Variants in KDM4C observed in about 807,000 individuals in gnomAD.
KDM4C encodes the protein lysine-specific demethylase 4C.
A neutral mutation model predicts 129.3 loss-of-function variants in KDM4C; 81 were observed. That is an observed-to-expected ratio of 0.63 (90% CI 0.52 to 0.75). The LOEUF is 0.75. KDM4C is among the 30% of genes least tolerant of loss of function. The probability of loss-of-function intolerance (pLI) is 0.00; values close to 1 mark genes in which losing one functional copy is unlikely to be tolerated. For missense variants in KDM4C, 1,457 were observed against 1,304.0 expected (o/e 1.12, Z -1.81); for synonymous variants, 573 against 456.1 (o/e 1.26, Z -3.26).
chr9:6,954,601 G>A (rs1336570073), intron 8 of KDM4C, among the ~76,000 whole-genome samples: 2 of 152,170 alleles, frequency 1.3e-5, no homozygotes, highest in South Asian at 2.1e-4. Flanking sequence ...TGTTAATAAT[G>A]TGCAGGTTTC....
rs1456954381 is a variant in KDM4C at position 6,888,868 on chromosome 9, A to G, written c.783+805A>G. On this transcript the variant is annotated intron_variant, in intron 7 of 21. Coordinates refer to ENST00000381309, the MANE Select transcript of KDM4C (RefSeq NM_015061.6). Reference sequence around the variant, plus strand: ...AGTGGCGGGATCTCGGCTCACTGCAAGCTCCGCCTCCCGGGTTCACGCCAT... The same window carrying G: ...AGTGGCGGGATCTCGGCTCACTGCAGGCTCCGCCTCCCGGGTTCACGCCAT... Among the ~76,000 whole-genome samples, 13 of 31,660 alleles carry G rather than the reference A, an allele frequency of 4.1e-4. 5 individuals are homozygous for G. Among genetic ancestry groups the G allele is most frequent in the African/African-American group, 3.0e-3 (13 of 4,366 alleles). 20.8% of individuals were successfully genotyped at this position (31,660 alleles called of 152,430 possible). A position where few individuals can be genotyped will look rare whatever the true frequency, so the allele number is the denominator to read the frequency against.
At chr9:6,887,483 A>G (rs1174544442) in intron 6 of KDM4C, among the ~76,000 whole-genome samples, 1 of 152,228 alleles carries the variant, frequency 6.6e-6, no homozygotes, top group Non-Finnish European at 1.5e-5. Flanking sequence ...ATCAGAAAAG[A>G]AACAGAAAGG....
In KDM4C at chr9:6,824,129, TG is replaced by T. The variant is rs888061022; in HGVS notation, c.435+9387del. Among the ~76,000 whole-genome samples, 15 of 152,336 alleles carry T rather than the reference TG, an allele frequency of 9.8e-5. No homozygotes were observed. In the South Asian group the frequency reaches 1.9e-3, roughly 19 times the overall value. The stretch of plus-strand genomic sequence containing the variant: ...AGTCTTTGATTTGGACAGTGAATAT[TG>T]GGTAAAAAAATTATTGTAGCAAATA... On this transcript the variant is annotated intron_variant, in intron 4 of 21. Coordinates refer to ENST00000381309, the MANE Select transcript of KDM4C (RefSeq NM_015061.6).
At chr9:7,021,140 GTA>G (rs56054555) in intron 15 of KDM4C, among the ~76,000 whole-genome samples, 2,849 of 146,916 alleles carry the variant, frequency 0.019, 42 homozygotes, top group Middle Eastern at 0.035. Flanking sequence ...GTGTGTGTGT[GTA>G]TATATATATA....
At chr9:6,863,145 CAAAA>C (rs932700092) in intron 5 of KDM4C, among the ~76,000 whole-genome samples, 1 of 151,910 alleles carries the variant, frequency 6.6e-6, no homozygotes, top group South Asian at 2.1e-4. Flanking sequence ...AAAATAAAAA[CAAAA>C]AAACCCTGTG....
rs750006191 is a variant in KDM4C at position 6,984,329 on chromosome 9, G to A, written c.1279G>A (p.Ala427Thr). ...EAAVKLRNTEASSEEESSASR... is the reference protein window; with the variant it reads ...EAAVKLRNTETSSEEESSASR... ...AGCAGTGAAGCTGAGGAACACAGAAGCATCTTCAGAAGAAGAGTCATCTGC... is the reference window on the plus strand; with the variant it reads ...AGCAGTGAAGCTGAGGAACACAGAAACATCTTCAGAAGAAGAGTCATCTGC... Residue 427 changes from alanine (A) to threonine (T), a missense_variant, in exon 10 of 22, where the codon GCA becomes ACA. Physicochemically the swap from Ala to Thr is moderately conservative, Grantham distance 58. Transcript: ENST00000381309. 8.1e-6 allele frequency: 13 copies of A among 1,614,072 alleles called. No homozygotes were observed. In the South Asian group the frequency reaches 1.1e-4, roughly 14 times the overall value.
At chr9:7,152,871 A>G (rs961082472) in intron 19 of KDM4C, among the ~76,000 whole-genome samples, 5 of 152,178 alleles carry the variant, frequency 3.3e-5, no homozygotes, top group Non-Finnish European at 2.9e-5. Context: ...GCTGCAGGGG[A>G]AAGATTGTGC....
At chr9:7,021,160 T>G (rs1824777822) in intron 15 of KDM4C, among the ~76,000 whole-genome samples, 1 of 151,498 alleles carries the variant, frequency 6.6e-6, no homozygotes, top group African/African-American at 2.4e-5. Flanking sequence ...ATATGTATTT[T>G]TTTTTTTTTG....
chr9:7,046,790 A>G lies in KDM4C; in HGVS notation c.2260-72A>G, dbSNP rs1441141988. 13 of 993,888 alleles carry G rather than the reference A, an allele frequency of 1.3e-5. No individual in the cohort carries two copies. The East Asian group carries it at 3.1e-4, about 24-fold the overall frequency. The allele number at this position is 993,888 out of a possible 1,614,324, so 61.6% of individuals were successfully genotyped here. On this transcript the variant is annotated intron_variant, in intron 15 of 21. Transcript: ENST00000381309. The stretch of plus-strand genomic sequence containing the variant: ...GAATGAAAAATCAGGATCTCTGAGA[A>G]TATTTAGATGAATGGTAATGACTTT...
intron 17 of KDM4C, among the ~76,000 whole-genome samples, chr9:7,066,315 A>T: frequency 6.6e-6 from 1 of 152,164 alleles, no homozygotes; most frequent in Non-Finnish European, 1.5e-5. Flanking sequence ...CCACCCCGCA[A>T]AGGATTTAGA....
rs949100939 is a variant in KDM4C, at chr9:7,120,389, A to C, written c.2611-7677A>C. Among the ~76,000 whole-genome samples the C allele has an allele frequency of 2.6e-5, 4 of 152,170 alleles. No homozygotes were observed. In the South Asian group the frequency reaches 8.3e-4, roughly 32 times the overall value. On this transcript the variant is annotated intron_variant, in intron 18 of 21. Coordinates refer to ENST00000381309, the MANE Select transcript of KDM4C (RefSeq NM_015061.6). ...AGAGTTTTCTTATAAGGGCCTGTAT[A>C]ATTTCCAAGTTCACACTTGATTGAA...
intron 5 of KDM4C, among the ~76,000 whole-genome samples, chr9:6,872,862 G>A (rs1842979081): frequency 6.6e-6 from 1 of 152,138 alleles, no homozygotes; most frequent in Non-Finnish European, 1.5e-5. Context: ...AATGAACATT[G>A]GATGTAATTT....
chr9:7,051,450 A>G (rs976623314), intron 17 of KDM4C, among the ~76,000 whole-genome samples: 10 of 152,266 alleles, frequency 6.6e-5, no homozygotes, highest in Admixed American at 6.5e-4. Context: ...GGGGAATGAA[A>G]CGCACCTTTC....
chr9:7,155,139 T>A (rs1224600129), intron 19 of KDM4C, among the ~76,000 whole-genome samples: 1 of 152,180 alleles, frequency 6.6e-6, no homozygotes, highest in Admixed American at 6.5e-5. Flanking sequence ...TGGGGATACC[T>A]GGAATTCTCA....
At chr9:7,124,791 G>C (rs1191501779) in intron 18 of KDM4C, among the ~76,000 whole-genome samples, 1 of 152,146 alleles carries the variant, frequency 6.6e-6, no homozygotes, top group East Asian at 1.9e-4. Flanking sequence ...ACTGGGGAAT[G>C]ATTTCAGGAA....
intron 8 of KDM4C, among the ~76,000 whole-genome samples, chr9:6,939,618 T>C (rs991997610): frequency 2.0e-5 from 3 of 152,232 alleles, no homozygotes; most frequent in African/African-American, 7.2e-5. Context: ...AAGGTACTTA[T>C]ACTTTGTTAC....
At chr9:6,778,502 C>G (rs186067600) in intron 1 of KDM4C, among the ~76,000 whole-genome samples, 29 of 151,834 alleles carry the variant, frequency 1.9e-4, no homozygotes, top group Non-Finnish European at 3.7e-4. Context: ...TGCGGTAGCT[C>G]ACGCCTGTAA....
chr9:6,739,463 C>T (rs528742863), intron 1 of KDM4C, among the ~76,000 whole-genome samples: 1 of 152,028 alleles, frequency 6.6e-6, no homozygotes, highest in Non-Finnish European at 1.5e-5. Flanking sequence ...TCACTGGACA[C>T]AATCATGTGT....
At chr9:7,164,350 T>TAAAAAAAAAAAA (rs113564814) in intron 19 of KDM4C, among the ~76,000 whole-genome samples, 4 of 148,342 alleles carry the variant, frequency 2.7e-5, no homozygotes, top group Non-Finnish European at 4.5e-5. Flanking sequence ...TGCCACGCCT[T>TAAAAAAAAAAAA]AAAAAAACAA....
Sources: gnomAD v4.1 joint callset for allele counts (sites outside exome capture counted in the v4.1 genomes callset) on GRCh38, gnomAD v4.1.1 for gene constraint, MANE v1.5 for transcripts, NCBI Gene and HGNC (gene_info 2026-07-23, HGNC 2026-07-21) for gene names.